INPP4B: variants seen among roughly 807,000 people sequenced by gnomAD.
The protein encoded by INPP4B is inositol polyphosphate 4-phosphatase type II.
In INPP4B, 55 loss-of-function variants were observed where a neutral mutation model predicts 122.5. The ratio of observed to expected loss-of-function variants is 0.45; its 90% CI spans 0.36 to 0.56. The LOEUF (loss-of-function observed/expected upper bound fraction) is 0.56, where lower values mean the gene tolerates loss of function less well. Among genes scored for constraint, INPP4B ranks in the 20% least tolerant of loss-of-function variants. INPP4B has a pLI of 0.00. For missense variants in INPP4B, 1,000 were observed against 1,097.7 expected, an observed-to-expected ratio of 0.91 and a Z score of 1.26; for synonymous variants, 403 against 388.7, an observed-to-expected ratio of 1.04 and a Z score of -0.43.
chr4:142,758,310 C>T (rs1580848361), intron 1 of INPP4B, among the ~76,000 whole-genome samples: 2 of 152,180 alleles, frequency 1.3e-5, no homozygotes, highest in Admixed American at 6.5e-5. Context: ...TGAAGAGTTG[C>T]TGTCATTTGT....
intron 1 of INPP4B, among the ~76,000 whole-genome samples, chr4:142,809,389 C>T (rs75765793): frequency 0.022 from 3,418 of 152,248 alleles, 56 homozygotes; most frequent in Middle Eastern, 0.092. Flanking sequence ...TTTCATTTCA[C>T]TCTTTGAAAA....
intron 1 of INPP4B, among the ~76,000 whole-genome samples, chr4:142,759,672 C>T (rs1280127811): frequency 6.6e-6 from 1 of 151,594 alleles, no homozygotes; most frequent in African/African-American, 2.4e-5. Flanking sequence ...AATATAACAC[C>T]AGGCACATGG....
At chr4:142,640,374 G>C (rs891037641) in intron 2 of INPP4B, among the ~76,000 whole-genome samples, 1 of 151,978 alleles carries the variant, frequency 6.6e-6, no homozygotes, top group Non-Finnish European at 1.5e-5. Context: ...TGGAATAAAT[G>C]GAATAATTAA....
chr4:142,759,856 T>C (rs1366159493), intron 1 of INPP4B, among the ~76,000 whole-genome samples: 6 of 126,048 alleles, frequency 4.8e-5, no homozygotes, highest in Non-Finnish European at 1.0e-4. Context: ...AAAAAAAATT[T>C]AATTGCCCTG....
chr4:142,108,178 G>C lies in INPP4B; in HGVS notation c.2289C>G (p.Val763=), dbSNP rs1462669460. Residue 763 remains valine (V), a synonymous_variant, in exon 23 of 26, where the codon GTC becomes GTG. Coordinates refer to ENST00000262992, the MANE Select transcript of INPP4B (RefSeq NM_001101669.3). ...QQTLAERFGD[V]SLQESINQEN... The stretch of plus-strand genomic sequence containing the variant: ...CCTGATTAATACTTTCTTGCAAAGA[G>C]ACATCTCCAAACCTACAAACAGAAA... The C allele has an allele frequency of 2.5e-6, 4 of 1,589,066 alleles. No homozygotes were observed. Among genetic ancestry groups the C allele is most frequent in the South Asian group, 1.1e-5 (1 of 89,918 alleles).
chr4:142,227,959 A>C (rs1419478280), intron 12 of INPP4B, among the ~76,000 whole-genome samples: 1 of 151,832 alleles, frequency 6.6e-6, no homozygotes, highest in Admixed American at 6.6e-5. Flanking sequence ...AACCAAGGGT[A>C]AAAACAAAAT....
intron 7 of INPP4B, among the ~76,000 whole-genome samples, chr4:142,374,140 A>G (rs1418240009): frequency 6.6e-6 from 1 of 151,912 alleles, no homozygotes; most frequent in Non-Finnish European, 1.5e-5. Flanking sequence ...TGTCCTTACA[A>G]CCACCCTACG....
At chr4:142,740,323 C>G (rs1044606377) in intron 1 of INPP4B, among the ~76,000 whole-genome samples, 1 of 152,036 alleles carries the variant, frequency 6.6e-6, no homozygotes, top group Non-Finnish European at 1.5e-5. Context: ...AAAATAAAAA[C>G]TACATTGTGC....
At chr4:142,682,324 TACTC>T (rs1026861352) in intron 2 of INPP4B, among the ~76,000 whole-genome samples, 5 of 151,768 alleles carry the variant, frequency 3.3e-5, no homozygotes, top group African/African-American at 1.2e-4. Context: ...AAACAATACC[TACTC>T]AATCTAAGCT....
At chr4:142,035,274 T>G (rs1037941562) in intron 25 of INPP4B, among the ~76,000 whole-genome samples, 1 of 152,150 alleles carries the variant, frequency 6.6e-6, no homozygotes, top group East Asian at 1.9e-4. Context: ...TCCATTTCCC[T>G]TCTTGGAAAG....
At chr4:142,442,031 A>T (rs146254150) in intron 3 of INPP4B, among the ~76,000 whole-genome samples, 1 of 151,912 alleles carries the variant, frequency 6.6e-6, no homozygotes, top group Non-Finnish European at 1.5e-5. Context: ...CAATGGCTTT[A>T]TTTTTTTTCT....
At chr4:142,212,811 T>C (rs944410084) in intron 12 of INPP4B, among the ~76,000 whole-genome samples, 1 of 151,940 alleles carries the variant, frequency 6.6e-6, no homozygotes, top group East Asian at 1.9e-4. Flanking sequence ...CTACTGATTA[T>C]AGGAAGGGCC....
rs1736872489 is a variant in INPP4B at position 142,025,939 on chromosome 4, T to C, written c.*2843A>G. The C allele has an allele frequency of 6.6e-6, 1 of 152,166 alleles. No homozygotes were observed. The highest frequency in any genetic ancestry group is 1.5e-5 in the Non-Finnish European group (1 of 68,022). 9.4% of individuals were successfully genotyped at this position (152,166 alleles called of 1,614,324 possible). ...GGCGATATTTAAAAGCAAAAAGCAA[T>C]GATATGAGATGTAAATGAATGGTTT... On this transcript the variant is annotated 3_prime_UTR_variant, in exon 26 of 26. Coordinates refer to ENST00000262992, the MANE Select transcript of INPP4B (RefSeq NM_001101669.3).
At chr4:142,165,992 T>C (rs1386296233) in intron 16 of INPP4B, among the ~76,000 whole-genome samples, 1 of 151,720 alleles carries the variant, frequency 6.6e-6, no homozygotes, top group Non-Finnish European at 1.5e-5. Context: ...CAACTTTGCA[T>C]GTGTTTATTT....
intron 25 of INPP4B, among the ~76,000 whole-genome samples, chr4:142,041,596 C>T (rs942020079): frequency 5.3e-5 from 8 of 152,016 alleles, no homozygotes; most frequent in African/African-American, 1.7e-4. Flanking sequence ...CCAGCCTGGG[C>T]AACAAGAGCA....
At chr4:142,544,550 T>G (rs755294858) in intron 2 of INPP4B, among the ~76,000 whole-genome samples, 1 of 152,140 alleles carries the variant, frequency 6.6e-6, no homozygotes, top group Admixed American at 6.6e-5. Context: ...TAAAAATATT[T>G]TCTAGAACAG....
intron 2 of INPP4B, among the ~76,000 whole-genome samples, chr4:142,502,782 C>T (rs1395249325): frequency 1.3e-5 from 2 of 152,062 alleles, no homozygotes; most frequent in Admixed American, 6.6e-5. Flanking sequence ...CCTGGCTATC[C>T]ATGCCTTTAA....
chr4:142,794,451 A>AT (rs1776962653), intron 1 of INPP4B, among the ~76,000 whole-genome samples: 1 of 151,956 alleles, frequency 6.6e-6, no homozygotes, highest in African/African-American at 2.4e-5. Flanking sequence ...ATCACATTAG[A>AT]TCCCTACTTA....
At chr4:142,523,127 C>T (rs1335047071) in intron 2 of INPP4B, among the ~76,000 whole-genome samples, 2 of 152,054 alleles carry the variant, frequency 1.3e-5, no homozygotes, top group African/African-American at 2.4e-5. Context: ...TAGTTTAGGA[C>T]AGAGGTTCTC....
Sources: gnomAD v4.1 joint callset for allele counts (sites outside exome capture counted in the v4.1 genomes callset) on GRCh38, gnomAD v4.1.1 for gene constraint, MANE v1.5 for transcripts, NCBI Gene and HGNC (gene_info 2026-07-23, HGNC 2026-07-21) for gene names.